Variants in DNM3 observed in about 807,000 individuals in gnomAD.
DNM3 encodes dynamin-3.
A neutral mutation model predicts 101.6 loss-of-function variants in DNM3; 47 were observed. That is an observed-to-expected ratio of 0.46 (90% CI 0.37 to 0.59). DNM3 has a LOEUF of 0.59. Among genes scored for constraint, DNM3 ranks in the 20% least tolerant of loss-of-function variants. DNM3 has a pLI of 0.00. For synonymous variants in DNM3, 385 were observed against 387.9 expected, an observed-to-expected ratio of 0.99 and a Z score of 0.09; for missense variants, 849 against 1,085.7, an observed-to-expected ratio of 0.78 and a Z score of 3.06.
chr1:172,268,724 T>C (rs1276762512), intron 15 of DNM3, among the ~76,000 whole-genome samples: 3 of 152,198 alleles, frequency 2.0e-5, no homozygotes, highest in African/African-American at 7.2e-5. Context: ...ACATAATTTC[T>C]TGAGTATGAA....
chr1:171,849,515 G>T (rs899877709), intron 1 of DNM3, among the ~76,000 whole-genome samples: 2 of 152,162 alleles, frequency 1.3e-5, no homozygotes, highest in African/African-American at 4.8e-5. Flanking sequence ...ATGGTAATGC[G>T]TATTTGCAAA....
Position 172,147,878 on chromosome 1 carries a change from C to T in DNM3, c.1659+16590C>T, listed in dbSNP as rs139118762. Among the ~76,000 whole-genome samples the T allele has an allele frequency of 6.4e-3, 979 of 152,140 alleles. 8 individuals are homozygous for T. The highest frequency in any genetic ancestry group is 0.014 in the Middle Eastern group (4 of 294). On this transcript the variant is annotated intron_variant, in intron 14 of 20. Transcript: ENST00000627582. The stretch of plus-strand genomic sequence containing the variant: ...TAATGGTAACTGTTTGGCATGATTC[C>T]TTTGACTACTTTCTCAATGGTCATT...
At chr1:172,359,577 G>A (rs781498283) in intron 17 of DNM3, among the ~76,000 whole-genome samples, 2 of 151,026 alleles carry the variant, frequency 1.3e-5, no homozygotes, top group South Asian at 2.1e-4. Flanking sequence ...AAAGCTTCTG[G>A]TGTATATGCC....
At chr1:171,975,560 T>A (rs978269431) in intron 2 of DNM3, among the ~76,000 whole-genome samples, 4 of 152,208 alleles carry the variant, frequency 2.6e-5, no homozygotes, top group African/African-American at 9.6e-5. Context: ...GTTTAATACG[T>A]TTATCAGAGC....
chr1:172,129,214 A>G lies in DNM3; in HGVS notation c.1546-1961A>G, dbSNP rs150579601. The stretch of plus-strand genomic sequence containing the variant: ...AACCAGCTCCTTCTTACTCAAAACT[A>G]TTAAATAGATGTGATCATTTACTCT... On this transcript the variant is annotated intron_variant, in intron 13 of 20. Transcript: ENST00000627582. Among the ~76,000 whole-genome samples, 886 of 152,332 alleles carry G rather than the reference A, an allele frequency of 5.8e-3. 10 individuals carry two copies. Among genetic ancestry groups the G allele is most frequent in the African/African-American group, 0.02 (840 of 41,572 alleles).
intron 4 of DNM3, among the ~76,000 whole-genome samples, chr1:172,016,363 A>G (rs951537667): frequency 5.3e-5 from 8 of 150,716 alleles, no homozygotes; most frequent in African/African-American, 1.5e-4. Flanking sequence ...GTTTTTCTAC[A>G]TTTATTAATA....
rs187299321 is a variant in DNM3, at chr1:172,149,941, C to T, written c.1659+18653C>T. 2.6e-5 allele frequency among the ~76,000 whole-genome samples: 4 copies of T among 152,158 alleles called. No homozygotes were observed. In the East Asian group the frequency reaches 7.7e-4, roughly 29 times the overall value. ...AAGCTTTCTGCTTTACCCAGAATAC[C>T]TGCAATTATGCAGTAGGTCATTTTA... On this transcript the variant is annotated intron_variant, in intron 14 of 20. Transcript: ENST00000627582.
At chr1:171,921,665 G>T (rs1558268343) in intron 1 of DNM3, 83 bp from the exon 2 acceptor site, 1 of 1,091,712 alleles carries the variant, frequency 9.2e-7, no homozygotes, top group South Asian at 1.3e-5. Flanking sequence ...GGAATTAGGA[G>T]AATTGCTGTG....
intron 14 of DNM3, among the ~76,000 whole-genome samples, chr1:172,242,826 G>A (rs544969004): frequency 2.0e-5 from 3 of 152,224 alleles, no homozygotes; most frequent in African/African-American, 7.2e-5. Flanking sequence ...TGGGTACCAG[G>A]TGTCTCCAAG....
intron 17 of DNM3, among the ~76,000 whole-genome samples, chr1:172,360,082 T>G (rs2067665582): frequency 6.6e-6 from 1 of 152,070 alleles, no homozygotes; most frequent in South Asian, 2.1e-4. Flanking sequence ...AGTTGTTTCC[T>G]TATAATTTTT....
chr1:171,947,227 AT>A (rs1004046451), intron 2 of DNM3, among the ~76,000 whole-genome samples: 4 of 151,984 alleles, frequency 2.6e-5, no homozygotes, highest in African/African-American at 9.7e-5. Flanking sequence ...GGAGTTTGTG[AT>A]TTTTGTGAGT....
chr1:172,188,952 AT>A (rs2059613901), intron 14 of DNM3, among the ~76,000 whole-genome samples: 1 of 140,728 alleles, frequency 7.1e-6, no homozygotes, highest in African/African-American at 2.9e-5. Context: ...GTTCCCCTAG[AT>A]TTTCTCCTAT....
intron 1 of DNM3, 113 bp downstream of exon 1, chr1:171,841,930 T>A: frequency 1.3e-6 from 1 of 759,564 alleles, no homozygotes. Context: ...GGCGCTGCGG[T>A]GGAATGGGGG....
chr1:172,017,215 G>C (rs2125731491), intron 4 of DNM3, among the ~76,000 whole-genome samples: 1 of 152,072 alleles, frequency 6.6e-6, no homozygotes, highest in African/African-American at 2.4e-5. Context: ...TTCTGCTCTA[G>C]TTCTTATTAT....
intron 1 of DNM3, among the ~76,000 whole-genome samples, chr1:171,888,571 C>T (rs150125822): frequency 1.3e-5 from 2 of 152,226 alleles, no homozygotes; most frequent in African/African-American, 2.4e-5. Flanking sequence ...GATGATAATA[C>T]CTGTTTTTCT....
At chr1:172,239,786 GTCTTTTTTTTTC>G (rs1170609225) in intron 14 of DNM3, among the ~76,000 whole-genome samples, 2 of 73,660 alleles carry the variant, frequency 2.7e-5, no homozygotes, top group South Asian at 4.9e-4. Flanking sequence ...CTCCAGCCCT[GTCTTTTTTTTTC>G]TCTTTTTTTT....
At chr1:172,244,789 C>T (rs1251379748) in intron 14 of DNM3, among the ~76,000 whole-genome samples, 2 of 152,160 alleles carry the variant, frequency 1.3e-5, no homozygotes, top group Non-Finnish European at 2.9e-5. Context: ...TTGTGGAAGT[C>T]AGTGTGGCGA....
chr1:172,237,557 T>C (rs1191175824), intron 14 of DNM3, among the ~76,000 whole-genome samples: 1 of 152,160 alleles, frequency 6.6e-6, no homozygotes, highest in East Asian at 1.9e-4. Context: ...AAATACACTT[T>C]TTCTAAATCA....
intron 16 of DNM3, among the ~76,000 whole-genome samples, chr1:172,317,103 T>C (rs1377671133): frequency 1.3e-5 from 2 of 151,420 alleles, no homozygotes; most frequent in African/African-American, 4.9e-5. Flanking sequence ...ACCGCTCAAC[T>C]ACATGGAAAC....
Sources: gnomAD v4.1 joint callset for allele counts (sites outside exome capture counted in the v4.1 genomes callset) on GRCh38, gnomAD v4.1.1 for gene constraint, MANE v1.5 for transcripts, NCBI Gene and HGNC (gene_info 2026-07-23, HGNC 2026-07-21) for gene names.